MAN1A1: variants seen among roughly 807,000 people sequenced by gnomAD.
MAN1A1 encodes the protein mannosidase alpha class 1A member 1.
In MAN1A1, 29 loss-of-function variants were observed where a neutral mutation model predicts 70.8. The observed-to-expected ratio is 0.41, with a 90% confidence interval of 0.31 to 0.56. The LOEUF (loss-of-function observed/expected upper bound fraction) is 0.56, where lower values mean the gene tolerates loss of function less well. MAN1A1 is among the 20% of genes least tolerant of loss of function. The pLI is 0.29. For missense variants in MAN1A1, 747 were observed against 841.3 expected, an observed-to-expected ratio of 0.89 and a Z score of 1.39; for synonymous variants, 349 against 330.1, an observed-to-expected ratio of 1.06 and a Z score of -0.62.
chr6:119,322,940 C>T (rs910765717), intron 2 of MAN1A1, among the ~76,000 whole-genome samples: 8 of 152,212 alleles, frequency 5.3e-5, no homozygotes, highest in Non-Finnish European at 7.3e-5. Context: ...TGACAGAAGA[C>T]GTTCTCTGTT....
At chr6:119,256,159 G>A (rs1289000182) in intron 5 of MAN1A1, among the ~76,000 whole-genome samples, 1 of 152,062 alleles carries the variant, frequency 6.6e-6, no homozygotes, top group Non-Finnish European at 1.5e-5. Flanking sequence ...CAAGGTAGCT[G>A]TCCTTTAGTC....
intron 2 of MAN1A1, among the ~76,000 whole-genome samples, chr6:119,338,012 A>C (rs1346532916): frequency 1.3e-5 from 2 of 151,556 alleles, no homozygotes; most frequent in African/African-American, 4.8e-5. Context: ...GGCATTTCTA[A>C]TTATGAGCTG....
intron 2 of MAN1A1, among the ~76,000 whole-genome samples, chr6:119,318,217 T>C (rs1772907522): frequency 6.6e-6 from 1 of 152,208 alleles, no homozygotes; most frequent in African/African-American, 2.4e-5. Flanking sequence ...GTCACAGAAA[T>C]AGCATTTACT....
At chr6:119,336,646 T>C (rs1391862534) in intron 2 of MAN1A1, among the ~76,000 whole-genome samples, 2 of 152,204 alleles carry the variant, frequency 1.3e-5, no homozygotes, top group African/African-American at 4.8e-5. Flanking sequence ...CCAAGCTTCT[T>C]TCTCTTTCTC....
intron 2 of MAN1A1, among the ~76,000 whole-genome samples, chr6:119,321,206 T>C (rs1452907255): frequency 6.6e-6 from 1 of 152,206 alleles, no homozygotes; most frequent in Non-Finnish European, 1.5e-5. Flanking sequence ...CTACTATCGA[T>C]TTCCATATAA....
chr6:119,291,291 T>A (rs1017111510), intron 4 of MAN1A1, among the ~76,000 whole-genome samples: 5 of 152,062 alleles, frequency 3.3e-5, no homozygotes, highest in African/African-American at 1.2e-4. Flanking sequence ...CCGCCATGAT[T>A]GTGAGGCCTC....
intron 11 of MAN1A1, among the ~76,000 whole-genome samples, chr6:119,187,182 T>C (rs1250423149): frequency 6.6e-6 from 1 of 152,218 alleles, no homozygotes; most frequent in African/African-American, 2.4e-5. Flanking sequence ...ATTGGTAGTG[T>C]TATTTTTCTT....
intron 3 of MAN1A1, among the ~76,000 whole-genome samples, chr6:119,305,377 C>A (rs540611883): frequency 6.6e-6 from 1 of 151,982 alleles, no homozygotes; most frequent in South Asian, 2.1e-4. Context: ...ATAATTTTTT[C>A]AAAAAATGTT....
intron 6 of MAN1A1, among the ~76,000 whole-genome samples, chr6:119,228,112 G>T (rs546134064): frequency 6.6e-6 from 1 of 152,274 alleles, no homozygotes; most frequent in African/African-American, 2.4e-5. Context: ...GTTAAACAAT[G>T]TTGAAATTTA....
intron 4 of MAN1A1, among the ~76,000 whole-genome samples, chr6:119,300,882 T>C (rs1772372936): frequency 6.6e-6 from 1 of 152,196 alleles, no homozygotes; most frequent in African/African-American, 2.4e-5. Context: ...TAGCAATTAA[T>C]TAGGGGAGTA....
At chr6:119,276,455 G>T (rs532827026) in intron 5 of MAN1A1, among the ~76,000 whole-genome samples, 1 of 152,182 alleles carries the variant, frequency 6.6e-6, no homozygotes, top group Non-Finnish European at 1.5e-5. Context: ...AATCATAAGG[G>T]ACTAGACATG....
At chr6:119,189,056 A>G (rs1392552781) in intron 10 of MAN1A1, among the ~76,000 whole-genome samples, 1 of 152,216 alleles carries the variant, frequency 6.6e-6, no homozygotes, top group Non-Finnish European at 1.5e-5. Context: ...CATGTAATAT[A>G]TAATATTCAT....
chr6:119,265,336 T>C (rs1775723749), intron 5 of MAN1A1, among the ~76,000 whole-genome samples: 2 of 152,116 alleles, frequency 1.3e-5, no homozygotes. Context: ...TGAGCCCAAG[T>C]GATCTTCCTG....
chr6:119,205,895 G>C (rs1405001247), intron 6 of MAN1A1, among the ~76,000 whole-genome samples: 2 of 152,188 alleles, frequency 1.3e-5, no homozygotes, highest in African/African-American at 4.8e-5. Context: ...TTTTCTCAAA[G>C]ACCTAATAGT....
chr6:119,181,746 G>A (rs963529871), intron 11 of MAN1A1, among the ~76,000 whole-genome samples: 2 of 151,778 alleles, frequency 1.3e-5, no homozygotes, highest in African/African-American at 2.4e-5. Flanking sequence ...CAGCTTTACC[G>A]ATGTATGACA....
intron 4 of MAN1A1, among the ~76,000 whole-genome samples, chr6:119,292,745 T>C (rs1318866442): frequency 6.6e-6 from 1 of 152,028 alleles, no homozygotes; most frequent in Non-Finnish European, 1.5e-5. Flanking sequence ...TGTGTTTAAC[T>C]GTATTTTATA....
At chr6:119,312,460 T>C (rs10485001) in intron 2 of MAN1A1, among the ~76,000 whole-genome samples, 50,193 of 151,974 alleles carry the variant, frequency 0.33, 8,753 homozygotes, top group Non-Finnish European at 0.36. Flanking sequence ...AATTCACAAT[T>C]TCTCCAAACC....
chr6:119,188,048 C>A (rs2114930697), intron 11 of MAN1A1, among the ~76,000 whole-genome samples: 1 of 152,222 alleles, frequency 6.6e-6, no homozygotes, highest in Non-Finnish European at 1.5e-5. Flanking sequence ...CAGAAAAAAA[C>A]ATGAAGTGGT....
At chr6:119,225,903 TAGA>T (rs1389476929) in intron 6 of MAN1A1, among the ~76,000 whole-genome samples, 2 of 152,194 alleles carry the variant, frequency 1.3e-5, no homozygotes, top group Non-Finnish European at 2.9e-5. Context: ...AAAGAAATAC[TAGA>T]AGAACATATT....
Sources: allele counts gnomAD v4.1 joint callset (sites outside exome capture counted in the v4.1 genomes callset), GRCh38; gene constraint gnomAD v4.1.1; transcripts MANE v1.5; gene names NCBI Gene and HGNC (gene_info 2026-07-23, HGNC 2026-07-21).